SLFN12L: variants seen among roughly 807,000 people sequenced by gnomAD.
The protein encoded by SLFN12L is schlafen family member 12-like.
Under a neutral mutation model 34.8 loss-of-function variants are expected in SLFN12L, and 34 were observed. The ratio of observed to expected loss-of-function variants is 0.98; its 90% CI spans 0.74 to 1.30. SLFN12L has a LOEUF of 1.30. SLFN12L is among the 50% of genes most tolerant of loss of function. SLFN12L has a pLI of 0.00. For synonymous variants in SLFN12L, 259 were observed against 247.5 expected, an observed-to-expected ratio of 1.05 and a Z score of -0.44; for missense variants, 703 against 696.2, an observed-to-expected ratio of 1.01 and a Z score of -0.11.
At chr17:35,476,517 GGAA>G (rs1914028932) in intron 4 of SLFN12L, among the ~76,000 whole-genome samples, 1 of 133,508 alleles carries the variant, frequency 7.5e-6, no homozygotes, top group Non-Finnish European at 1.6e-5. Flanking sequence ...AAGGAAGGAA[GGAA>G]AGAAGGAAGG....
intron 2 of SLFN12L, among the ~76,000 whole-genome samples, chr17:35,502,438 A>AAAAAAC (rs1915331422): frequency 6.8e-6 from 1 of 147,082 alleles, no homozygotes; most frequent in Admixed American, 6.7e-5. Flanking sequence ...AAAAAAAAAA[A>AAAAAAC]AAAAACGATG....
At chr17:35,494,175 G>A (rs753846797) in intron 2 of SLFN12L, among the ~76,000 whole-genome samples, 2 of 151,804 alleles carry the variant, frequency 1.3e-5, no homozygotes, top group Non-Finnish European at 2.9e-5. Context: ...ATTACTAATC[G>A]GTTTAGCTTT....
chr17:35,484,273 C>G (rs1180627223), intron 2 of SLFN12L, among the ~76,000 whole-genome samples: 2 of 152,194 alleles, frequency 1.3e-5, no homozygotes, highest in African/African-American at 4.8e-5. Context: ...ATACTTGGCA[C>G]TAATTTCACC....
chr17:35,509,550 G>A (rs1031430267), intron 2 of SLFN12L, among the ~76,000 whole-genome samples: 3 of 152,098 alleles, frequency 2.0e-5, no homozygotes, highest in Admixed American at 2.0e-4. Context: ...TGAGCATTTG[G>A]GGGGAAAGCC....
chr17:35,513,979 T>C (rs527931730), intron 2 of SLFN12L, among the ~76,000 whole-genome samples: 8 of 152,290 alleles, frequency 5.3e-5, no homozygotes, highest in African/African-American at 1.9e-4. Flanking sequence ...CAACATACGT[T>C]CCTCAGATGA....
At chr17:35,531,902 T>TG (rs774522533) in intron 1 of SLFN12L, among the ~76,000 whole-genome samples, 5 of 152,182 alleles carry the variant, frequency 3.3e-5, no homozygotes, top group Admixed American at 6.5e-5. Context: ...CCCAAAGTGC[T>TG]GGGATTATAG....
chr17:35,479,079 G>T, intron 3 of SLFN12L, 38 bp downstream of exon 3: 1 of 1,464,242 alleles, frequency 6.8e-7, no homozygotes. Flanking sequence ...TGCCACCCAA[G>T]CCAAAGGTAT....
At chr17:35,530,421 GGA>G (rs2072385701) in intron 1 of SLFN12L, among the ~76,000 whole-genome samples, 1 of 9,918 alleles carries the variant, frequency 1.0e-4, no homozygotes, top group African/African-American at 2.2e-4. Context: ...AAGGAAGGAA[GGA>G]AGGAAGGGAA....
At chr17:35,481,698 G>T (rs1032778831) in intron 2 of SLFN12L, among the ~76,000 whole-genome samples, 1 of 152,060 alleles carries the variant, frequency 6.6e-6, no homozygotes, top group African/African-American at 2.4e-5. Flanking sequence ...GGTGGTAGTG[G>T]CCCCCCAGCC....
chr17:35,530,324 T>TGAC (rs2072379411), intron 1 of SLFN12L, among the ~76,000 whole-genome samples: 1 of 139,386 alleles, frequency 7.2e-6, no homozygotes, highest in South Asian at 2.3e-4. Context: ...TCCAGTCTGG[T>TGAC]GACAGAGTGA....
chr17:35,503,126 C>T (rs956717942), intron 2 of SLFN12L, among the ~76,000 whole-genome samples: 1 of 152,038 alleles, frequency 6.6e-6, no homozygotes, highest in African/African-American at 2.4e-5. Flanking sequence ...GTAAAGTATA[C>T]CTTTGGTAAA....
At chr17:35,530,332 T>TG (rs1325181353) in intron 1 of SLFN12L, among the ~76,000 whole-genome samples, 2 of 128,334 alleles carry the variant, frequency 1.6e-5, no homozygotes, top group Non-Finnish European at 3.2e-5. Flanking sequence ...GGTGACAGAG[T>TG]GAGACTCTGT....
At position 35,499,008 on chromosome 17, in the gene SLFN12L, T is replaced by C. The variant is rs1282993630; in HGVS notation, c.87-18813A>G. 4 of 708,148 alleles carry C rather than the reference T, an allele frequency of 5.6e-6. No individual in the cohort carries two copies. In the East Asian group the frequency reaches 1.1e-4, roughly 19 times the overall value. 43.9% of individuals were successfully genotyped at this position (708,148 alleles called of 1,614,324 possible). On this transcript the variant is annotated intron_variant, in intron 2 of 4. Transcript: ENST00000628453. ...CACTACCGTCTGCTTCTATAACACC[T>C]AGCAGCTGTTGAACACTGCAGAAAT...
At chr17:35,512,359 ATTTTTT>A (rs35126425) in intron 2 of SLFN12L, among the ~76,000 whole-genome samples, 4 of 53,868 alleles carry the variant, frequency 7.4e-5, no homozygotes, top group East Asian at 6.9e-4. Flanking sequence ...AAAAGAGCTG[ATTTTTT>A]TTTTTTTTTT....
rs1913771382 is a variant in SLFN12L at position 35,469,437 on chromosome 17, A to G, written c.*5486T>C. On this transcript the variant is annotated 3_prime_UTR_variant, in exon 5 of 5. Coordinates refer to ENST00000628453, the MANE Select transcript of SLFN12L (RefSeq NM_001363830.2). The stretch of plus-strand genomic sequence containing the variant: ...AAATTTCAGATCTACTTTCTTGACT[A>G]ATGACATGCAAATGAAGAACTTAGT... Among the ~76,000 whole-genome samples, 1 of 150,878 alleles carries G rather than the reference A, an allele frequency of 6.6e-6. No individual in the cohort carries two copies. Among genetic ancestry groups the G allele is most frequent in the African/African-American group, 2.4e-5 (1 of 41,018 alleles).
chr17:35,521,396 AC>A (rs1915993106), intron 2 of SLFN12L, among the ~76,000 whole-genome samples: 1 of 152,260 alleles, frequency 6.6e-6, no homozygotes, highest in Non-Finnish European at 1.5e-5. Flanking sequence ...AACTTTCTGT[AC>A]TATCTTTGCA....
At position 35,522,516 on chromosome 17, in the gene SLFN12L, C is replaced by A. The variant is rs1916028807; in HGVS notation, c.-152G>T. 3 of 1,612,688 alleles carry A rather than the reference C, an allele frequency of 1.9e-6. No homozygotes were observed. Among genetic ancestry groups the A allele is most frequent in the Non-Finnish European group, 2.5e-6 (3 of 1,179,264 alleles). On this transcript the variant is annotated 5_prime_UTR_variant, in exon 2 of 5. In the 5' UTR this introduces an upstream ATG that the reference lacks. Transcript: ENST00000628453. ...GCTGCACAGGTCACTCAAGAGAGAC[C>A]TGAAGCCGAGCAAGACAATCACGAG...
At chr17:35,499,128 C>A in intron 2 of SLFN12L, 2 of 860,686 alleles carry the variant, frequency 2.3e-6, no homozygotes, top group South Asian at 1.3e-5. Flanking sequence ...AGAGTCCTGT[C>A]AAGTAGACAT....
At position 35,520,002 on chromosome 17, in the gene SLFN12L, C is replaced by T. The variant is rs140523605; in HGVS notation, c.86+2277G>A. On this transcript the variant is annotated intron_variant, in intron 2 of 4. Transcript: ENST00000628453. Reference sequence around the variant, plus strand: ...CAGGTTAAAATAAACATCATAAGACCGATGGAACAGTCTCTTCGTGGCAAT... The same window carrying T: ...CAGGTTAAAATAAACATCATAAGACTGATGGAACAGTCTCTTCGTGGCAAT... 4.4e-3 allele frequency among the ~76,000 whole-genome samples: 666 copies of T among 152,142 alleles called. 6 individuals carry two copies. Among genetic ancestry groups the T allele is most frequent in the African/African-American group, 0.015 (638 of 41,468 alleles).
Sources: gnomAD v4.1 joint callset for allele counts (sites outside exome capture counted in the v4.1 genomes callset) on GRCh38, gnomAD v4.1.1 for gene constraint, MANE v1.5 for transcripts, NCBI Gene and HGNC (gene_info 2026-07-23, HGNC 2026-07-21) for gene names.